SPIDR: variants seen among roughly 807,000 people sequenced by gnomAD.
SPIDR encodes the protein scaffold protein involved in DNA repair.
A neutral mutation model predicts 104.6 loss-of-function variants in SPIDR; 93 were observed. The ratio of observed to expected loss-of-function variants is 0.89; its 90% CI spans 0.75 to 1.06. The LOEUF (loss-of-function observed/expected upper bound fraction) is 1.06. SPIDR is among the 50% of genes least tolerant of loss of function. SPIDR has a pLI of 0.00. For missense variants in SPIDR, 1,154 were observed against 1,111.2 expected, an observed-to-expected ratio of 1.04 and a Z score of -0.55; for synonymous variants, 431 against 416.9, an observed-to-expected ratio of 1.03 and a Z score of -0.41.
chr8:47,649,441 G>A (rs529040818), intron 10 of SPIDR, among the ~76,000 whole-genome samples: 1 of 152,306 alleles, frequency 6.6e-6, no homozygotes, highest in African/African-American at 2.4e-5. Context: ...GTCAAGGAAA[G>A]ACTGAGGAAC....
intron 5 of SPIDR, chr8:47,361,015 A>G (rs1554629666): frequency 4.1e-6 from 4 of 966,958 alleles, no homozygotes; most frequent in African/African-American, 1.8e-5. Flanking sequence ...TTAAAAATAA[A>G]TAAGTGATGC....
At chr8:47,327,065 A>G (rs782599965) in intron 5 of SPIDR, among the ~76,000 whole-genome samples, 3 of 152,208 alleles carry the variant, frequency 2.0e-5, no homozygotes, top group Non-Finnish European at 4.4e-5. Context: ...AGCAACGCAC[A>G]AAGGTTTCAG....
intron 8 of SPIDR, among the ~76,000 whole-genome samples, chr8:47,573,090 T>C (rs1238903402): frequency 1.3e-5 from 2 of 152,328 alleles, no homozygotes; most frequent in East Asian, 3.9e-4. Context: ...ATACCTAAAG[T>C]ATAAAATGAC....
chr8:47,502,216 G>C (rs2080609535), intron 8 of SPIDR, among the ~76,000 whole-genome samples: 1 of 152,198 alleles, frequency 6.6e-6, no homozygotes, highest in Non-Finnish European at 1.5e-5. Flanking sequence ...AGAAGGAATG[G>C]TACCAGCTCC....
chr8:47,539,162 A>G (rs2087583312), intron 8 of SPIDR, among the ~76,000 whole-genome samples: 1 of 151,946 alleles, frequency 6.6e-6, no homozygotes, highest in East Asian at 1.9e-4. Context: ...TGCCCGGCCT[A>G]TTGTGGGATA....
At chr8:47,351,906 A>G (rs1222311128) in intron 5 of SPIDR, among the ~76,000 whole-genome samples, 3 of 152,148 alleles carry the variant, frequency 2.0e-5, no homozygotes, top group African/African-American at 4.8e-5. Flanking sequence ...GCAATCCCCT[A>G]TGCTTACTGA....
chr8:47,375,851 A>G (rs1429364417), intron 5 of SPIDR, among the ~76,000 whole-genome samples: 1 of 152,200 alleles, frequency 6.6e-6, no homozygotes, highest in Non-Finnish European at 1.5e-5. Context: ...GGGCTCTTAG[A>G]AGCATTATTA....
chr8:47,582,827 TACACACAC>T (rs72295566), intron 8 of SPIDR, among the ~76,000 whole-genome samples: 3,536 of 130,236 alleles, frequency 0.027, 85 homozygotes, highest in African/African-American at 0.064. Context: ...AACAACAAAT[TACACACAC>T]ACACACACAC....
At chr8:47,312,825 G>T (rs2044474910) in intron 5 of SPIDR, among the ~76,000 whole-genome samples, 1 of 152,128 alleles carries the variant, frequency 6.6e-6, no homozygotes, top group South Asian at 2.1e-4. Flanking sequence ...GTATTGCCTA[G>T]GTTTTCTTCT....
At chr8:47,347,482 G>A (rs1315456954) in intron 5 of SPIDR, among the ~76,000 whole-genome samples, 1 of 152,176 alleles carries the variant, frequency 6.6e-6, no homozygotes, top group Non-Finnish European at 1.5e-5. Context: ...GCAGAGCTGA[G>A]TTCAATTCCT....
intron 8 of SPIDR, among the ~76,000 whole-genome samples, chr8:47,586,943 A>G (rs1161092235): frequency 6.6e-6 from 1 of 152,026 alleles, no homozygotes; most frequent in African/African-American, 2.4e-5. Context: ...TAATTTTTGT[A>G]TTTTTAGTAG....
At chr8:47,285,447 A>C (rs1485751558) in intron 3 of SPIDR, among the ~76,000 whole-genome samples, 1 of 152,190 alleles carries the variant, frequency 6.6e-6, no homozygotes, top group African/African-American at 2.4e-5. Flanking sequence ...CACATTACAA[A>C]AGCATGTTCC....
chr8:47,422,578 C>G (rs1453658410), intron 7 of SPIDR, among the ~76,000 whole-genome samples: 1 of 152,248 alleles, frequency 6.6e-6, no homozygotes, highest in African/African-American at 2.4e-5. Flanking sequence ...ATGTCTCGCC[C>G]TGCTTCGGCT....
intron 8 of SPIDR, among the ~76,000 whole-genome samples, chr8:47,490,984 T>TTG (rs1486012982): frequency 2.0e-5 from 3 of 152,024 alleles, no homozygotes; most frequent in African/African-American, 7.2e-5. Flanking sequence ...CCCTAGAACT[T>TTG]AAAGTATAAT....
At chr8:47,606,745 C>G (rs2063004038) in intron 10 of SPIDR, among the ~76,000 whole-genome samples, 2 of 152,172 alleles carry the variant, frequency 1.3e-5, no homozygotes, top group Non-Finnish European at 2.9e-5. Context: ...CACACTGATT[C>G]CCCAGCTGTG....
intron 16 of SPIDR, among the ~76,000 whole-genome samples, chr8:47,719,868 C>CCA (rs1357622234): frequency 6.6e-6 from 1 of 152,010 alleles, no homozygotes; most frequent in Non-Finnish European, 1.5e-5. Flanking sequence ...CCATGCCCCC[C>CCA]CACACCCAGG....
At chr8:47,498,531 C>T (rs2079821820) in intron 8 of SPIDR, among the ~76,000 whole-genome samples, 1 of 152,026 alleles carries the variant, frequency 6.6e-6, no homozygotes, top group African/African-American at 2.4e-5. Context: ...TATGACCTTC[C>T]CAGATAGTCT....
chr8:47,586,596 G>C (rs939615939), intron 8 of SPIDR, among the ~76,000 whole-genome samples: 7 of 152,036 alleles, frequency 4.6e-5, no homozygotes, highest in African/African-American at 1.7e-4. Context: ...TATACTGTGT[G>C]GTTTTCAGAA....
chr8:47,272,263 G>A (rs1367610612), intron 1 of SPIDR, among the ~76,000 whole-genome samples: 2 of 151,812 alleles, frequency 1.3e-5, no homozygotes, highest in South Asian at 2.1e-4. Flanking sequence ...CACGTCGCCT[G>A]GCCTATAATT....
Sources: gnomAD v4.1 joint callset for allele counts (sites outside exome capture counted in the v4.1 genomes callset) on GRCh38, gnomAD v4.1.1 for gene constraint, MANE v1.5 for transcripts, NCBI Gene and HGNC (gene_info 2026-07-23, HGNC 2026-07-21) for gene names.